The following NPAS2 variants were observed in gnomAD, a reference collection of about 807,000 sequenced individuals.
The protein encoded by NPAS2 is neuronal PAS domain protein 2, also known as neuronal PAS domain-containing protein 2.
NPAS2 carries 23 observed loss-of-function variants against 107.5 expected under a neutral mutation model. The ratio of observed to expected loss-of-function variants is 0.21; its 90% CI spans 0.15 to 0.30. The LOEUF is 0.30. Among genes scored for constraint, NPAS2 ranks in the 10% least tolerant of loss-of-function variants. The probability of loss-of-function intolerance (pLI) is 1.00; values close to 1 mark genes in which losing one functional copy is unlikely to be tolerated. For missense variants in NPAS2, 756 were observed against 1,043.3 expected, an observed-to-expected ratio of 0.72 and a Z score of 3.79; for synonymous variants, 403 against 417.5, an observed-to-expected ratio of 0.97 and a Z score of 0.42.
chr2:100,917,373 C>G (rs1478272115), intron 2 of NPAS2, among the ~76,000 whole-genome samples: 1 of 151,858 alleles, frequency 6.6e-6, no homozygotes, highest in Non-Finnish European at 1.5e-5. Flanking sequence ...ACTAAAAATA[C>G]AAAAATTAGC....
intron 20 of NPAS2, chr2:100,995,165 G>A (rs1467841052): frequency 1.9e-5 from 9 of 472,086 alleles, no homozygotes; most frequent in Non-Finnish European, 3.3e-5. Flanking sequence ...TGGGCCAGAA[G>A]GTGCCCCCAC....
At chr2:100,848,291 G>A (rs1450464442) in intron 1 of NPAS2, among the ~76,000 whole-genome samples, 7 of 152,152 alleles carry the variant, frequency 4.6e-5, no homozygotes, top group African/African-American at 1.2e-4. Context: ...GTTTTTCTTA[G>A]GGTGTGATCT....
In NPAS2 at chr2:100,905,125, T is replaced by C. The variant is rs550838187; in HGVS notation, c.32+339T>C. ...ACACTGCTTGACAAGTCAGGCTGAC[T>C]GGAGCCCAGCAGGCCTGGATTCAAG... On this transcript the variant is annotated intron_variant, in intron 2 of 20. Coordinates refer to ENST00000335681, the MANE Select transcript of NPAS2 (RefSeq NM_002518.4). Among the ~76,000 whole-genome samples, 9 of 152,324 alleles carry C rather than the reference T, an allele frequency of 5.9e-5. No individual in the cohort carries two copies. In the East Asian group the frequency reaches 1.7e-3, roughly 29 times the overall value.
chr2:100,833,655 C>T (rs1676879199), intron 1 of NPAS2, among the ~76,000 whole-genome samples: 1 of 152,140 alleles, frequency 6.6e-6, no homozygotes, highest in African/African-American at 2.4e-5. Context: ...GAGCAAAGTA[C>T]CCTGATAACC....
At chr2:100,874,561 G>A (rs1174455048) in intron 1 of NPAS2, among the ~76,000 whole-genome samples, 1 of 151,964 alleles carries the variant, frequency 6.6e-6, no homozygotes, top group Non-Finnish European at 1.5e-5. Context: ...GACCAGCATG[G>A]TGAAACCCTG....
At chr2:100,989,110 C>T (rs1382564661) in intron 17 of NPAS2, 1 of 163,762 alleles carries the variant, frequency 6.1e-6, no homozygotes, top group Non-Finnish European at 1.3e-5. Flanking sequence ...ATAAATGGCA[C>T]TCAAATGGAA....
In NPAS2 at chr2:100,821,104, G is replaced by A. The variant is rs1251763827; in HGVS notation, c.-23+690G>A. On this transcript the variant is annotated intron_variant, in intron 1 of 20. Transcript: ENST00000335681. Reference sequence around the variant, plus strand: ...GACGCACCTTTGACCTTTCTGAAGAGCTGGGCAGGTCGGTAACCAGGGAAG... The same window carrying A: ...GACGCACCTTTGACCTTTCTGAAGAACTGGGCAGGTCGGTAACCAGGGAAG... 4 of 1,304,500 alleles carry A rather than the reference G, an allele frequency of 3.1e-6. No homozygotes were observed. In the South Asian group the frequency reaches 4.9e-5, roughly 16 times the overall value. The allele number at this position is 1,304,500 out of a possible 1,614,324, so 80.8% of individuals were successfully genotyped here.
At chr2:100,869,206 G>A (rs1679424341) in intron 1 of NPAS2, among the ~76,000 whole-genome samples, 1 of 152,152 alleles carries the variant, frequency 6.6e-6, no homozygotes. Context: ...AAAGTTTTGG[G>A]ATTACAGGCG....
chr2:100,914,217 T>C (rs1358878566), intron 2 of NPAS2, among the ~76,000 whole-genome samples: 2 of 152,164 alleles, frequency 1.3e-5, no homozygotes, highest in African/African-American at 4.8e-5. Flanking sequence ...TCTCCTGCCT[T>C]GCATTATGTG....
At position 100,925,265 on chromosome 2, in the gene NPAS2, A is replaced by C; in HGVS notation, c.152A>C (p.Lys51Thr). 6.2e-7 allele frequency: 1 copy of C among 1,614,106 alleles called. No individual in the cohort carries two copies. The highest frequency in any genetic ancestry group is 8.5e-7 in the Non-Finnish European group (1 of 1,180,008). ...ATGGACAAAACCACCGTGTTGGAAA[A>C]GGTCATCGGATTTTTGCAGAAACAC... is the stretch of plus-strand genomic sequence containing the variant. Reference protein sequence around the residue: ...RKMDKTTVLEKVIGFLQKHNE... With the variant: ...RKMDKTTVLETVIGFLQKHNE... The change falls in exon 3 of 21, where the codon AAG becomes ACG. Residue 51 changes from lysine to threonine, a missense_variant. This residue lies in a region of NPAS2 where 146 missense variants were observed against 249.6 expected (regional missense o/e 0.58). Coordinates refer to ENST00000335681, the MANE Select transcript of NPAS2 (RefSeq NM_002518.4).
At chr2:100,919,513 G>T (rs1683091753) in intron 2 of NPAS2, among the ~76,000 whole-genome samples, 1 of 152,198 alleles carries the variant, frequency 6.6e-6, no homozygotes. Flanking sequence ...GAGCAGCAGC[G>T]CCGTGCTGTG....
chr2:100,902,933 A>G (rs1681879592), intron 1 of NPAS2, among the ~76,000 whole-genome samples: 1 of 152,228 alleles, frequency 6.6e-6, no homozygotes, highest in Non-Finnish European at 1.5e-5. Flanking sequence ...AGAAGAGGAA[A>G]TGGGTGTAGA....
At chr2:100,949,282 A>T in intron 6 of NPAS2, 85 bp from the exon 7 acceptor site, 1 of 806,644 alleles carries the variant, frequency 1.2e-6, no homozygotes, top group Non-Finnish European at 2.2e-6. Context: ...AAATCCCATA[A>T]GAGTTTTCAC....
intron 1 of NPAS2, among the ~76,000 whole-genome samples, chr2:100,882,538 G>GGGAGGT (rs1201952147): frequency 1.2e-4 from 19 of 152,280 alleles, no homozygotes; most frequent in African/African-American, 3.4e-4. Flanking sequence ...CGTAAAACCC[G>GGGAGGT]GGAGGCGGAG....
At chr2:100,884,834 G>A (rs1680590688) in intron 1 of NPAS2, among the ~76,000 whole-genome samples, 1 of 152,132 alleles carries the variant, frequency 6.6e-6, no homozygotes, top group Non-Finnish European at 1.5e-5. Flanking sequence ...ATTTCTAGGA[G>A]AGTTAGAAGG....
Position 100,949,452 on chromosome 2 carries a change from T to C in NPAS2, c.570T>C (p.Phe190=). 6.2e-7 allele frequency: 1 copy of C among 1,609,754 alleles called. No individual in the cohort carries two copies. Among genetic ancestry groups the C allele is most frequent in the African/African-American group, 1.3e-5 (1 of 74,944 alleles). The change falls in exon 7 of 21, where the codon TTT becomes TTC. Residue 190 remains phenylalanine (F), a synonymous_variant. Coordinates refer to ENST00000335681, the MANE Select transcript of NPAS2 (RefSeq NM_002518.4). The stretch of plus-strand genomic sequence containing the variant: ...TTCCAACTTATGAATACATAAAATT[T>C]GTAGGAAATTTTCGCTCTTACAACA... ...KEFPTYEYIK[F]VGNFRSYNNV...
rs556240738 is a variant in NPAS2 at position 100,958,032 on chromosome 2, C to T, written c.599-6026C>T. Among the ~76,000 whole-genome samples the T allele has an allele frequency of 5.5e-4, 83 of 152,272 alleles. 1 individual carries two copies. The highest frequency in any genetic ancestry group is 9.1e-4 in the Admixed American group (14 of 15,306). ...AATCCTTTCTCTGAGCCTTTTTGCT[C>T]CTCCTCCAGACTTGGATGTAGATGT... On this transcript the variant is annotated intron_variant, in intron 7 of 20. Coordinates refer to ENST00000335681, the MANE Select transcript of NPAS2 (RefSeq NM_002518.4).
intron 1 of NPAS2, among the ~76,000 whole-genome samples, chr2:100,836,266 A>C (rs1372221823): frequency 6.6e-6 from 1 of 152,110 alleles, no homozygotes; most frequent in Non-Finnish European, 1.5e-5. Context: ...TAGCGACCTC[A>C]CTTCGATGTG....
chr2:100,962,420 A>G (rs1250635905), intron 7 of NPAS2, among the ~76,000 whole-genome samples: 5 of 152,210 alleles, frequency 3.3e-5, no homozygotes, highest in African/African-American at 1.2e-4. Context: ...ATTAACTTGG[A>G]GAACATCATG....
Sources: allele counts gnomAD v4.1 joint callset (sites outside exome capture counted in the v4.1 genomes callset), GRCh38; gene constraint gnomAD v4.1.1; regional missense constraint gnomAD v4.1.1; transcripts MANE v1.5; gene names NCBI Gene and HGNC (gene_info 2026-07-23, HGNC 2026-07-21).